The following LSR variants were observed in gnomAD, a reference collection of about 807,000 sequenced individuals.
LSR encodes the protein lipolysis stimulated lipoprotein receptor.
LSR carries 44 observed loss-of-function variants against 61.8 expected under a neutral mutation model. The ratio of observed to expected loss-of-function variants is 0.71; its 90% CI spans 0.56 to 0.91. The LOEUF (loss-of-function observed/expected upper bound fraction) is 0.91, where lower values mean the gene tolerates loss of function less well. Ranked by LOEUF, LSR falls within the 40% of genes least tolerant of loss-of-function variation. The probability of loss-of-function intolerance (pLI) is 0.00; values close to 1 mark genes in which losing one functional copy is unlikely to be tolerated. For synonymous variants in LSR, 397 were observed against 350.6 expected (o/e 1.13, Z -1.48); for missense variants, 911 against 830.5 (o/e 1.10, Z -1.19).
intron 3 of LSR, among the ~76,000 whole-genome samples, chr19:35,260,056 G>A (rs941463745): frequency 6.6e-6 from 1 of 152,136 alleles, no homozygotes; most frequent in Non-Finnish European, 1.5e-5. Context: ...GGGGTACTTG[G>A]GCTGCAAGAC....
exon 10 of LSR, chr19:35,267,963 AAG>A: frequency 7.1e-7 from 1 of 1,407,650 alleles, no homozygotes; most frequent in Non-Finnish European, 1.0e-6. Flanking sequence ...GTATAATCAC[AAG>A]CTCTGGAGAG....
At chr19:35,249,192 A>T in intron 1 of LSR, 61 bp downstream of exon 1, 1 of 1,494,206 alleles carries the variant, frequency 6.7e-7, no homozygotes. Flanking sequence ...AGGGGGATGG[A>T]TGGAGTTGGA....
chr19:35,266,146 G>A (rs1382713431), intron 5 of LSR, among the ~76,000 whole-genome samples: 1 of 152,254 alleles, frequency 6.6e-6, no homozygotes, highest in African/African-American at 2.4e-5. Context: ...AGGAAGTGGG[G>A]TGGGGTCTCT....
intron 5 of LSR, chr19:35,264,898 G>A (rs1392418305): frequency 6.6e-6 from 1 of 152,146 alleles, no homozygotes; most frequent in Non-Finnish European, 1.5e-5. Flanking sequence ...AGCCTCAGTA[G>A]TGACTGAGGG....
chr19:35,261,135 G>A (rs569086336), intron 3 of LSR, among the ~76,000 whole-genome samples: 1 of 152,250 alleles, frequency 6.6e-6, no homozygotes, highest in Admixed American at 6.5e-5. Flanking sequence ...CAACACTGGT[G>A]GGGCTCAGAG....
chr19:35,262,979 C>T, intron 5 of LSR: 1 of 341,006 alleles, frequency 2.9e-6, no homozygotes, highest in Non-Finnish European at 5.3e-6. Context: ...AAGTAAAGCC[C>T]TCTAAAAAAA....
At chr19:35,259,292 AGAGTG>A (rs2065895449) in intron 3 of LSR, 1 of 463,880 alleles carries the variant, frequency 2.2e-6, no homozygotes, top group Non-Finnish European at 3.8e-6. Flanking sequence ...AACTAAGAGA[AGAGTG>A]GAGACAATTG....
intron 2 of LSR, among the ~76,000 whole-genome samples, chr19:35,251,149 C>T (rs541105733): frequency 7.9e-5 from 12 of 152,168 alleles, no homozygotes; most frequent in Admixed American, 2.6e-4. Context: ...AATTTAATAA[C>T]GAAGATTTTT....
chr19:35,255,992 G>A (rs1462402169), intron 2 of LSR, among the ~76,000 whole-genome samples: 1 of 152,126 alleles, frequency 6.6e-6, no homozygotes, highest in Non-Finnish European at 1.5e-5. Flanking sequence ...CAGCACTTTG[G>A]GAGGCCCAGG....
At chr19:35,262,147 G>A (rs2065938141) in intron 4 of LSR, among the ~76,000 whole-genome samples, 166 bp downstream of exon 4, 1 of 152,188 alleles carries the variant, frequency 6.6e-6, no homozygotes, top group Non-Finnish European at 1.5e-5. Context: ...CTGGCGCTGG[G>A]CCTAGGCTAG....
chr19:35,255,853 TC>T (rs1228262628), intron 2 of LSR, among the ~76,000 whole-genome samples: 3 of 152,188 alleles, frequency 2.0e-5, no homozygotes, highest in African/African-American at 7.2e-5. Context: ...CTAGTTAGAA[TC>T]TGAACTCTAG....
intron 3 of LSR, among the ~76,000 whole-genome samples, chr19:35,260,927 G>A (rs190874791): frequency 6.6e-6 from 1 of 152,278 alleles, no homozygotes; most frequent in East Asian, 1.9e-4. Context: ...GACATTCATG[G>A]GAGAACAAGT....
chr19:35,259,095 CCCTT>C (rs1242631320), intron 3 of LSR, 31 bp downstream of exon 3: 2 of 1,603,234 alleles, frequency 1.2e-6, no homozygotes, highest in African/African-American at 1.3e-5. Flanking sequence ...GGAGGCATGG[CCCTT>C]CCTTTTGTCC....
intron 5 of LSR, among the ~76,000 whole-genome samples, chr19:35,263,414 A>G (rs1272332821): frequency 2.6e-5 from 4 of 152,200 alleles, no homozygotes; most frequent in Non-Finnish European, 4.4e-5. Flanking sequence ...CAGGCAGTGC[A>G]GTGCGATCAT....
intron 1 of LSR, chr19:35,249,433 C>A (rs1599586677): frequency 2.5e-6 from 1 of 404,836 alleles, no homozygotes; most frequent in East Asian, 4.8e-5. Context: ...ACCGCCCGAT[C>A]TCTGGGAAAA....
At position 35,250,454 on chromosome 19, in the gene LSR, C is replaced by G. The variant is rs568395717; in HGVS notation, c.249C>G (p.Phe83Leu). ...TCGTCATCTGGAAGTACAAGTCTTT[C>G]TGCCGGGACCGCATCGCCGATGCCT... ...QPIVIWKYKS[F>L]CRDRIADAFS... The change falls in exon 2 of 10, where the codon TTC becomes TTG. Residue 83 changes from phenylalanine to leucine, a missense_variant. Transcript: ENST00000605618. 4.3e-6 allele frequency: 7 copies of G among 1,614,114 alleles called. No homozygotes were observed. In the East Asian group the frequency reaches 1.6e-4, roughly 36 times the overall value.
chr19:35,261,415 T>G (rs566854081), intron 3 of LSR, among the ~76,000 whole-genome samples: 3 of 152,316 alleles, frequency 2.0e-5, no homozygotes, highest in African/African-American at 7.2e-5. Flanking sequence ...TGGTGACACA[T>G]GCCTGTAGCC....
At chr19:35,253,947 T>A (rs1012436386) in intron 2 of LSR, among the ~76,000 whole-genome samples, 1 of 152,128 alleles carries the variant, frequency 6.6e-6, no homozygotes, top group African/African-American at 2.4e-5. Flanking sequence ...CACCCCCACC[T>A]GGGCCTGTGT....
chr19:35,254,428 A>G (rs2065832316), intron 2 of LSR, among the ~76,000 whole-genome samples: 1 of 152,132 alleles, frequency 6.6e-6, no homozygotes, highest in African/African-American at 2.4e-5. Context: ...ATAGTCCTGG[A>G]TAAGGTAGAA....
Sources: gnomAD v4.1 joint callset for allele counts (sites outside exome capture counted in the v4.1 genomes callset) on GRCh38, gnomAD v4.1.1 for gene constraint, MANE v1.5 for transcripts, NCBI Gene and HGNC (gene_info 2026-07-23, HGNC 2026-07-21) for gene names.